Variants in AHCTF1 observed in about 807,000 individuals in gnomAD.
AHCTF1 encodes the protein AT-hook containing transcription factor 1.
AHCTF1 carries 24 observed loss-of-function variants against 248.4 expected under a neutral mutation model. That is an observed-to-expected ratio of 0.10 (90% CI 0.07 to 0.14). The LOEUF (loss-of-function observed/expected upper bound fraction) is 0.14. AHCTF1 is among the 10% of genes least tolerant of loss of function. AHCTF1 has a pLI of 1.00. For missense variants in AHCTF1, 2,206 were observed against 2,636.2 expected (o/e 0.84, Z 3.57); for synonymous variants, 786 against 929.8 (o/e 0.85, Z 2.81).
chr1:246,899,429 G>A, intron 11 of AHCTF1, 22 bp downstream of exon 11: 4 of 1,573,482 alleles, frequency 2.5e-6, no homozygotes, highest in Non-Finnish European at 3.5e-6. Flanking sequence ...GTTCAATTAA[G>A]AAATCACTAG....
Position 246,868,893 on chromosome 1 carries a change from G to A in AHCTF1, c.3089-1082C>T, listed in dbSNP as rs1249353642. Among the ~76,000 whole-genome samples, 14 of 146,264 alleles carry A rather than the reference G, an allele frequency of 9.6e-5. 1 individual carries two copies. Among genetic ancestry groups the A allele is most frequent in the South Asian group, 2.1e-4 (1 of 4,652 alleles). The stretch of plus-strand genomic sequence containing the variant: ...GGAGTCTCGCTCTGTCACCCAGGTT[G>A]GAGTGCAGTGGTGTGATCTCGGCTC... On this transcript the variant is annotated intron_variant, in intron 24 of 35. Coordinates refer to ENST00000648844, the MANE Select transcript of AHCTF1 (RefSeq NM_001323342.2).
intron 7 of AHCTF1, 30 bp from the exon 8 acceptor site, chr1:246,902,705 T>C (rs1409506840): frequency 6.5e-7 from 1 of 1,543,982 alleles, no homozygotes; most frequent in Non-Finnish European, 8.8e-7. Flanking sequence ...CAAATATTAA[T>C]CTGATTCTAG....
intron 35 of AHCTF1, among the ~76,000 whole-genome samples, chr1:246,841,778 T>C (rs1659883536): frequency 6.6e-6 from 1 of 151,934 alleles, no homozygotes; most frequent in Admixed American, 6.6e-5. Context: ...CATCCTCCTT[T>C]TATTATTTTA....
intron 24 of AHCTF1, among the ~76,000 whole-genome samples, chr1:246,873,834 C>A (rs1662763302): frequency 6.6e-6 from 1 of 152,180 alleles, no homozygotes; most frequent in South Asian, 2.1e-4. Context: ...CAAAAACGTT[C>A]CCTGTGTCAC....
intron 29 of AHCTF1, among the ~76,000 whole-genome samples, chr1:246,859,767 G>A (rs1237000362): frequency 6.6e-6 from 1 of 151,852 alleles, no homozygotes; most frequent in Admixed American, 6.6e-5. Context: ...TTGTAGAGAT[G>A]GGGTCTCCCT....
chr1:246,906,592 A>T (rs1273662730), intron 5 of AHCTF1, among the ~76,000 whole-genome samples: 1 of 152,084 alleles, frequency 6.6e-6, no homozygotes, highest in Non-Finnish European at 1.5e-5. Context: ...CCAAAAAAAT[A>T]GAAAAAAAAG....
chr1:246,851,787 C>T (rs1572363083), intron 32 of AHCTF1: 2 of 192,982 alleles, frequency 1.0e-5, no homozygotes, highest in Admixed American at 1.1e-4. Flanking sequence ...AAAAAATTAA[C>T]CGGAAAAAAC....
At chr1:246,853,052 G>GA (rs1660831206) in intron 32 of AHCTF1, 39 bp downstream of exon 32, 2 of 1,507,510 alleles carry the variant, frequency 1.3e-6, no homozygotes, top group African/African-American at 2.8e-5. Flanking sequence ...AACCAAAACT[G>GA]AAAGACTGAT....
chr1:246,849,987 T>G lies in AHCTF1; in HGVS notation c.6019A>C (p.Arg2007=), dbSNP rs754533644. Residue 2007 remains arginine, a synonymous_variant, in exon 33 of 36, where the codon AGG becomes CGG. Transcript: ENST00000648844. The stretch of plus-strand genomic sequence containing the variant: ...GCTGGGGTATTTCTTGTAGATCTCC[T>G]TCTAATGCTGGGAGCTTCTTTCTTC... ...PKKKEAPSIR[R]RSTRNTPAKS... is the part of the protein sequence containing the mutation. The G allele has an allele frequency of 1.2e-6, 2 of 1,613,782 alleles. No individual in the cohort carries two copies. The highest frequency in any genetic ancestry group is 2.2e-5 in the South Asian group (2 of 91,050).
chr1:246,850,020 T>G lies in AHCTF1; in HGVS notation c.5986A>C (p.Ser1996Arg), dbSNP rs1660583568. 1.2e-6 allele frequency: 2 copies of G among 1,613,794 alleles called. No individual in the cohort carries two copies. ...VGSKAVKEER[S>R]PKKKEAPSIR... ...CTGGGAGCTTCTTTCTTCTTGGGGCTTCTCTCTTCCTTAACAGCCTTAGAT... is the reference window on the plus strand; with the variant it reads ...CTGGGAGCTTCTTTCTTCTTGGGGCGTCTCTCTTCCTTAACAGCCTTAGAT... Residue 1996 changes from serine to arginine, a missense_variant, in exon 33 of 36, where the codon AGC (serine) becomes CGC (arginine). Transcript: ENST00000648844.
rs1660673609 is a variant in AHCTF1, at chr1:246,851,020, T to C, written c.4986A>G (p.Glu1662=). 1 of 1,614,008 alleles carries C rather than the reference T, an allele frequency of 6.2e-7. No individual in the cohort carries two copies. Among genetic ancestry groups the C allele is most frequent in the Non-Finnish European group, 8.5e-7 (1 of 1,179,872 alleles). Residue 1662 remains glutamate (E), a synonymous_variant, in exon 33 of 36, where the codon GAA becomes GAG. Transcript: ENST00000648844. ...QKVDTLPYVP[E]PIKVAIAENL... ...TTTCTGCAATTGCTACTTTAATAGG[T>C]TCAGGCACATATGGTAAAGTGTCTA...
At position 246,843,781 on chromosome 1, in the gene AHCTF1, C is replaced by A; in HGVS notation, c.6525+14G>T. The stretch of plus-strand genomic sequence containing the variant: ...GTTTTAACAAACATACAAATAAAAT[C>A]ATGCATTTCTTACCAGTTCATCTTC... On this transcript the variant is annotated intron_variant, in intron 34 of 35. Transcript: ENST00000648844. 1 of 1,373,792 alleles carries A rather than the reference C, an allele frequency of 7.3e-7. No individual in the cohort carries two copies. The highest frequency in any genetic ancestry group is 2.1e-5 in the South Asian group (1 of 46,642). The allele number at this position is 1,373,792 out of a possible 1,614,324, so 85.1% of individuals were successfully genotyped here.
At chr1:246,931,365 G>C (rs934712230) in intron 1 of AHCTF1, 2 of 1,522,692 alleles carry the variant, frequency 1.3e-6, no homozygotes, top group African/African-American at 2.8e-5. Context: ...ATGTAACGAA[G>C]CCCGGCGCCC....
chr1:246,905,672 TATATTTC>T lies in AHCTF1; in HGVS notation c.765-22_765-16del, dbSNP rs773255225. The T allele has an allele frequency of 6.4e-7, 1 of 1,571,446 alleles. No homozygotes were observed. Among genetic ancestry groups the T allele is most frequent in the Admixed American group, 1.7e-5 (1 of 59,226 alleles). ...GTATGTAATATCTGAAACAAATTAG[TATATTTC>T]ATATTTTTAAGTTATTTTTTAGAAA... is the stretch of plus-strand genomic sequence containing the variant. On this transcript the variant is annotated splice_polypyrimidine_tract_variant and intron_variant, in intron 5 of 35. Transcript: ENST00000648844.
chr1:246,907,438 T>C, intron 5 of AHCTF1, 113 bp downstream of exon 5: 1 of 928,172 alleles, frequency 1.1e-6, no homozygotes, highest in South Asian at 1.8e-5. Flanking sequence ...CATTCAATCA[T>C]TAATCTACCC....
At chr1:246,924,559 AC>A (rs1666801024) in intron 1 of AHCTF1, among the ~76,000 whole-genome samples, 1 of 152,084 alleles carries the variant, frequency 6.6e-6, no homozygotes, top group Non-Finnish European at 1.5e-5. Context: ...GCAAAAATCA[AC>A]CTAACGTTCT....
intron 8 of AHCTF1, among the ~76,000 whole-genome samples, chr1:246,901,215 C>T (rs948045051): frequency 6.6e-6 from 1 of 152,132 alleles, no homozygotes. Flanking sequence ...GTGGCATGCA[C>T]CTGTAGTCCC....
At position 246,860,933 on chromosome 1, in the gene AHCTF1, T is replaced by C. The variant is rs530726178; in HGVS notation, c.4098A>G (p.Ser1366=). The C allele has an allele frequency of 6.2e-7, 1 of 1,612,162 alleles. No individual in the cohort carries two copies. Among genetic ancestry groups the C allele is most frequent in the Admixed American group, 1.7e-5 (1 of 59,988 alleles). Reference sequence around the variant, plus strand: ...TCTGTAGGTCTGAAGGAGTTACTTCTGATGCAAATACATCTTTATCTCCAT... The same window carrying C: ...TCTGTAGGTCTGAAGGAGTTACTTCCGATGCAAATACATCTTTATCTCCAT... The part of the protein sequence containing the change: ...EKDGDKDVFA[S]EVTPSDLQKQ... Residue 1366 remains serine (S), a synonymous_variant, in exon 29 of 36, where the codon TCA becomes TCG. Coordinates refer to ENST00000648844, the MANE Select transcript of AHCTF1 (RefSeq NM_001323342.2).
At chr1:246,857,909 G>T in intron 29 of AHCTF1, 95 bp from the exon 30 acceptor site, 1 of 1,139,590 alleles carries the variant, frequency 8.8e-7, no homozygotes, top group Non-Finnish European at 1.2e-6. Flanking sequence ...TGTTGGGTCT[G>T]CTTTTTTGTT....
Sources: gnomAD v4.1 joint callset for allele counts (sites outside exome capture counted in the v4.1 genomes callset) on GRCh38, gnomAD v4.1.1 for gene constraint, MANE v1.5 for transcripts, NCBI Gene and HGNC (gene_info 2026-07-23, HGNC 2026-07-21) for gene names.